The following OLFM3 variants were observed in gnomAD, a reference collection of about 807,000 sequenced individuals.
OLFM3 encodes the protein noelin-3.
OLFM3 carries 20 observed loss-of-function variants against 48.6 expected under a neutral mutation model. The observed-to-expected ratio is 0.41, with a 90% CI of 0.29 to 0.60. OLFM3 has a LOEUF of 0.60. OLFM3 is among the 20% of genes least tolerant of loss of function. OLFM3 has a pLI of 0.28. For missense variants in OLFM3, 437 were observed against 544.3 expected (o/e 0.80, Z 1.96); for synonymous variants, 222 against 198.1 (o/e 1.12, Z -1.01).
chr1:101,884,327 T>C (rs547498933), intron 1 of OLFM3, among the ~76,000 whole-genome samples: 6 of 152,068 alleles, frequency 3.9e-5, no homozygotes, highest in South Asian at 2.1e-4. Flanking sequence ...CCCAAAGAGA[T>C]TGACTTTAAA....
At chr1:101,843,886 C>T (rs1655853815) in intron 1 of OLFM3, among the ~76,000 whole-genome samples, 3 of 152,202 alleles carry the variant, frequency 2.0e-5, no homozygotes, top group South Asian at 4.1e-4. Context: ...TTAACCTCTG[C>T]GTATTCCATG....
chr1:101,899,847 A>G (rs928248856), intron 1 of OLFM3, among the ~76,000 whole-genome samples: 1 of 152,170 alleles, frequency 6.6e-6, no homozygotes, highest in Non-Finnish European at 1.5e-5. Flanking sequence ...TTAACATTTA[A>G]CACATAAGTT....
chr1:101,896,457 T>A (rs182497110), intron 1 of OLFM3, among the ~76,000 whole-genome samples: 1 of 151,770 alleles, frequency 6.6e-6, no homozygotes, highest in East Asian at 1.9e-4. Context: ...GTGCAGGACG[T>A]TTTTATTTTT....
intron 1 of OLFM3, among the ~76,000 whole-genome samples, chr1:101,920,660 T>C (rs1182371714): frequency 6.6e-6 from 1 of 152,208 alleles, no homozygotes; most frequent in Non-Finnish European, 1.5e-5. Flanking sequence ...CCTGTATTTT[T>C]CAAATTAAGG....
At chr1:101,845,047 T>C (rs1219074702) in intron 1 of OLFM3, among the ~76,000 whole-genome samples, 1 of 152,072 alleles carries the variant, frequency 6.6e-6, no homozygotes, top group African/African-American at 2.4e-5. Context: ...AAAAGAAACA[T>C]CCAAAAAAGG....
chr1:101,900,162 A>T (rs1489484579), intron 1 of OLFM3, among the ~76,000 whole-genome samples: 1 of 152,194 alleles, frequency 6.6e-6, no homozygotes, highest in Non-Finnish European at 1.5e-5. Flanking sequence ...TCCCACTAGA[A>T]TGCAAATTCT....
intron 1 of OLFM3, among the ~76,000 whole-genome samples, chr1:101,854,451 C>T (rs886606211): frequency 1.2e-4 from 18 of 151,984 alleles, no homozygotes; most frequent in Non-Finnish European, 8.8e-5. Flanking sequence ...GGGGATCCTC[C>T]GTTGGCAGCT....
At chr1:101,832,554 G>A (rs1335859642) in intron 2 of OLFM3, among the ~76,000 whole-genome samples, 2 of 152,158 alleles carry the variant, frequency 1.3e-5, no homozygotes, top group Non-Finnish European at 2.9e-5. Context: ...TGTGTTATGT[G>A]GGTGTGGAGT....
At chr1:101,885,350 T>C (rs1192187377) in intron 1 of OLFM3, among the ~76,000 whole-genome samples, 3 of 152,066 alleles carry the variant, frequency 2.0e-5, no homozygotes, top group Non-Finnish European at 2.9e-5. Context: ...CTTTGCTTTT[T>C]ATGACATGGT....
intron 3 of OLFM3, among the ~76,000 whole-genome samples, chr1:101,826,323 A>ATATT (rs1158768662): frequency 2.0e-5 from 3 of 151,982 alleles, no homozygotes; most frequent in African/African-American, 4.8e-5. Flanking sequence ...AAATAAATAA[A>ATATT]TATTTCTTTA....
intron 1 of OLFM3, among the ~76,000 whole-genome samples, chr1:101,967,112 A>G (rs1660634655): frequency 6.6e-6 from 1 of 152,094 alleles, no homozygotes; most frequent in Non-Finnish European, 1.5e-5. Flanking sequence ...TTTATCTTTT[A>G]TACTACCTAT....
At chr1:101,950,169 C>G (rs1660093095) in intron 1 of OLFM3, among the ~76,000 whole-genome samples, 1 of 152,110 alleles carries the variant, frequency 6.6e-6, no homozygotes, top group Admixed American at 6.5e-5. Context: ...TGATCACTCT[C>G]TAATCGCCTA....
intron 1 of OLFM3, among the ~76,000 whole-genome samples, chr1:101,890,507 G>T (rs758626400): frequency 1.3e-5 from 2 of 151,806 alleles, no homozygotes; most frequent in South Asian, 4.1e-4. Flanking sequence ...AGTGTCATTG[G>T]TTTTCTAATT....
intron 1 of OLFM3, among the ~76,000 whole-genome samples, chr1:101,919,928 A>G (rs1294043091): frequency 6.6e-6 from 1 of 152,136 alleles, no homozygotes; most frequent in African/African-American, 2.4e-5. Context: ...AATGTTCTCT[A>G]TCTCAGTAAA....
rs569050487 is a variant in OLFM3, at chr1:101,881,871, T to G, written c.70-44846A>C. On this transcript the variant is annotated intron_variant, in intron 1 of 5. Transcript: ENST00000370103. ...TCTACTTCTTTCTTTATTTATTTATTACTAGACCTCAACCACAGTCTTCTT... is the reference window on the plus strand; with the variant it reads ...TCTACTTCTTTCTTTATTTATTTATGACTAGACCTCAACCACAGTCTTCTT... Among the ~76,000 whole-genome samples the G allele has an allele frequency of 2.6e-3, 400 of 151,850 alleles. 3 individuals carry two copies. Among genetic ancestry groups the G allele is most frequent in the African/African-American group, 8.7e-3 (362 of 41,508 alleles).
At chr1:101,859,284 A>G (rs12028754) in intron 1 of OLFM3, among the ~76,000 whole-genome samples, 20,334 of 152,082 alleles carry the variant, frequency 0.13, 3,446 homozygotes, top group African/African-American at 0.37. Flanking sequence ...ATTTAGAGGA[A>G]TATCATTCAG....
At chr1:101,856,640 T>C (rs1482502639) in intron 1 of OLFM3, among the ~76,000 whole-genome samples, 2 of 152,070 alleles carry the variant, frequency 1.3e-5, no homozygotes, top group African/African-American at 4.8e-5. Context: ...AGCTTAATTA[T>C]GTATTATTTT....
chr1:101,806,278 A>G, intron 4 of OLFM3, 96 bp from the exon 5 acceptor site: 1 of 853,856 alleles, frequency 1.2e-6, no homozygotes, highest in Non-Finnish European at 2.0e-6. Context: ...TCATAAAACT[A>G]AGCCAATCCA....
intron 1 of OLFM3, among the ~76,000 whole-genome samples, chr1:101,871,071 A>G (rs1429334777): frequency 1.3e-5 from 2 of 152,148 alleles, no homozygotes; most frequent in Non-Finnish European, 2.9e-5. Flanking sequence ...CTGTGCAGTT[A>G]CCTTATTTTT....
Sources: allele counts gnomAD v4.1 joint callset (sites outside exome capture counted in the v4.1 genomes callset), GRCh38; gene constraint gnomAD v4.1.1; transcripts MANE v1.5; gene names NCBI Gene and HGNC (gene_info 2026-07-23, HGNC 2026-07-21).